EPHA3: variants seen among roughly 807,000 people sequenced by gnomAD.
EPHA3 encodes the protein EPH receptor A3, also known as ephrin type-A receptor 3.
Under a neutral mutation model 107.1 loss-of-function variants are expected in EPHA3, and 42 were observed. That is an observed-to-expected ratio of 0.39 (90% CI 0.31 to 0.51). The LOEUF (loss-of-function observed/expected upper bound fraction) is 0.51, where lower values mean the gene tolerates loss of function less well. Among genes scored for constraint, EPHA3 ranks in the 20% least tolerant of loss-of-function variants. EPHA3 has a pLI of 0.78. For synonymous variants in EPHA3, 461 were observed against 424.8 expected (o/e 1.09, Z -1.05); for missense variants, 1,183 against 1,211.2 (o/e 0.98, Z 0.35).
chr3:89,256,701 C>T (rs1471137383), intron 3 of EPHA3, among the ~76,000 whole-genome samples: 2 of 152,144 alleles, frequency 1.3e-5, no homozygotes, highest in Non-Finnish European at 2.9e-5. Flanking sequence ...GAATTTCAAG[C>T]CCAGAGTCTT....
At chr3:89,427,404 C>T (rs1442829675) in intron 11 of EPHA3, among the ~76,000 whole-genome samples, 1 of 151,788 alleles carries the variant, frequency 6.6e-6, no homozygotes, top group South Asian at 2.1e-4. Flanking sequence ...GAATGGCAAA[C>T]TAACCTCATG....
intron 5 of EPHA3, among the ~76,000 whole-genome samples, chr3:89,385,034 T>G (rs973523076): frequency 6.6e-6 from 1 of 151,926 alleles, no homozygotes; most frequent in Non-Finnish European, 1.5e-5. Context: ...CATACTGATT[T>G]TATACACACA....
chr3:89,411,713 G>C (rs1709157111), intron 9 of EPHA3, among the ~76,000 whole-genome samples: 1 of 151,858 alleles, frequency 6.6e-6, no homozygotes, highest in South Asian at 2.1e-4. Flanking sequence ...AACACATACT[G>C]TGAAATCCTA....
At chr3:89,454,995 GA>G (rs1218523735) in intron 15 of EPHA3, among the ~76,000 whole-genome samples, 1 of 151,906 alleles carries the variant, frequency 6.6e-6, no homozygotes, top group Non-Finnish European at 1.5e-5. Context: ...ACTGTCTCTT[GA>G]AAAAAATTAT....
At chr3:89,135,500 T>G (rs961402975) in intron 2 of EPHA3, among the ~76,000 whole-genome samples, 1 of 152,116 alleles carries the variant, frequency 6.6e-6, no homozygotes, top group African/African-American at 2.4e-5. Context: ...ATAAGAGAGC[T>G]AACAACGATT....
intron 1 of EPHA3, among the ~76,000 whole-genome samples, chr3:89,122,295 T>C (rs1707408985): frequency 6.6e-6 from 1 of 152,216 alleles, no homozygotes; most frequent in African/African-American, 2.4e-5. Flanking sequence ...AAGGATGGGC[T>C]TATTTTTGTT....
intron 2 of EPHA3, among the ~76,000 whole-genome samples, chr3:89,128,979 T>C (rs1704146323): frequency 6.6e-6 from 1 of 152,098 alleles, no homozygotes; most frequent in African/African-American, 2.4e-5. Context: ...AGCACCTTGC[T>C]GGGTAAAGTG....
At chr3:89,350,220 T>A (rs1372542067) in intron 5 of EPHA3, among the ~76,000 whole-genome samples, 2 of 150,954 alleles carry the variant, frequency 1.3e-5, no homozygotes, top group Non-Finnish European at 3.0e-5. Context: ...GTTTTCCAAC[T>A]TGGTTCCATT....
At chr3:89,261,056 T>A (rs1413774193) in intron 3 of EPHA3, among the ~76,000 whole-genome samples, 1 of 152,206 alleles carries the variant, frequency 6.6e-6, no homozygotes. Context: ...CTTCTTACAA[T>A]GCCATTTGAT....
intron 2 of EPHA3, among the ~76,000 whole-genome samples, chr3:89,153,872 C>G (rs992088290): frequency 6.6e-6 from 1 of 151,980 alleles, no homozygotes; most frequent in Non-Finnish European, 1.5e-5. Flanking sequence ...CATGATTTGT[C>G]CCCCAGTGAC....
At position 89,192,186 on chromosome 3, in the gene EPHA3, G is replaced by A. The variant is rs73146327; in HGVS notation, c.154-17674G>A. Among the ~76,000 whole-genome samples the A allele has an allele frequency of 5.2e-4, 79 of 152,176 alleles. No homozygotes were observed. In the Middle Eastern group the frequency reaches 0.01, roughly 20 times the overall value. On this transcript the variant is annotated intron_variant, in intron 2 of 16. Transcript: ENST00000336596. Reference sequence around the variant, plus strand: ...CATGTAGTGCGTGATTAAGGATTTGGCAAACCCAGTGAAAGAACGTCCAGA... The same window carrying A: ...CATGTAGTGCGTGATTAAGGATTTGACAAACCCAGTGAAAGAACGTCCAGA...
chr3:89,271,322 TG>T (rs1420965840), intron 3 of EPHA3, among the ~76,000 whole-genome samples: 4 of 151,976 alleles, frequency 2.6e-5, no homozygotes. Context: ...TTTGTTAAAA[TG>T]TGAAGAAAGT....
At chr3:89,251,921 A>G (rs1189794921) in intron 3 of EPHA3, among the ~76,000 whole-genome samples, 1 of 152,092 alleles carries the variant, frequency 6.6e-6, no homozygotes, top group Admixed American at 6.6e-5. Flanking sequence ...TTGTATGTTT[A>G]TTGTTAATTG....
chr3:89,357,408 A>G (rs1181226474), intron 5 of EPHA3, among the ~76,000 whole-genome samples: 1 of 151,054 alleles, frequency 6.6e-6, no homozygotes, highest in South Asian at 2.1e-4. Flanking sequence ...TGAGAATGTC[A>G]GATGACCCCA....
At chr3:89,233,629 T>C (rs1019424592) in intron 3 of EPHA3, among the ~76,000 whole-genome samples, 2 of 152,164 alleles carry the variant, frequency 1.3e-5, no homozygotes, top group African/African-American at 2.4e-5. Context: ...ATTATATCGG[T>C]TCCTCAATTG....
intron 15 of EPHA3, among the ~76,000 whole-genome samples, chr3:89,453,213 A>C (rs1710028985): frequency 6.6e-6 from 1 of 152,014 alleles, no homozygotes; most frequent in Non-Finnish European, 1.5e-5. Context: ...TAGTAATCAC[A>C]GAAAAAAAAA....
rs548313425 is a variant in EPHA3, at chr3:89,200,281, C to T, written c.154-9579C>T. On this transcript the variant is annotated intron_variant, in intron 2 of 16. Transcript: ENST00000336596. ...CGTACCTTGTCTCTTTTTGTTGATG[C>T]TGCATCTTTCAGCAGAAAGAAGAAT... 2.0e-5 allele frequency among the ~76,000 whole-genome samples: 3 copies of T among 152,244 alleles called. No homozygotes were observed. The South Asian group carries it at 6.2e-4, about 32-fold the overall frequency.
At chr3:89,335,636 G>A (rs1707376385) in intron 3 of EPHA3, among the ~76,000 whole-genome samples, 1 of 152,038 alleles carries the variant, frequency 6.6e-6, no homozygotes, top group Non-Finnish European at 1.5e-5. Flanking sequence ...TTAGACTCAT[G>A]GATCATCTTA....
At chr3:89,415,741 T>C (rs1709234829) in intron 10 of EPHA3, among the ~76,000 whole-genome samples, 1 of 151,300 alleles carries the variant, frequency 6.6e-6, no homozygotes, top group South Asian at 2.1e-4. Flanking sequence ...CTGAAGAAAG[T>C]AAATACTTAG....
Sources: allele counts gnomAD v4.1 joint callset (sites outside exome capture counted in the v4.1 genomes callset), GRCh38; gene constraint gnomAD v4.1.1; transcripts MANE v1.5; gene names NCBI Gene and HGNC (gene_info 2026-07-23, HGNC 2026-07-21).